Variants in STK32C observed in about 807,000 individuals in gnomAD.
STK32C encodes serine/threonine kinase 32C, also known as serine/threonine-protein kinase 32C.
Under a neutral mutation model 56.5 loss-of-function variants are expected in STK32C, and 31 were observed. That is an observed-to-expected ratio of 0.55 (90% CI 0.41 to 0.74). The LOEUF (loss-of-function observed/expected upper bound fraction) is 0.74, where lower values mean the gene tolerates loss of function less well. STK32C is among the 30% of genes least tolerant of loss of function. The pLI is 0.00. For missense variants in STK32C, 544 were observed against 676.9 expected, an observed-to-expected ratio of 0.80 and a Z score of 2.18; for synonymous variants, 309 against 289.4, an observed-to-expected ratio of 1.07 and a Z score of -0.69.
intron 1 of STK32C, among the ~76,000 whole-genome samples, chr10:132,282,949 G>T (rs2065261530): frequency 6.6e-6 from 1 of 152,250 alleles, no homozygotes; most frequent in Admixed American, 6.5e-5. Context: ...TGAGGCTGGG[G>T]TCGGGGAGGC....
At chr10:132,297,789 G>GC (rs1230135729) in intron 1 of STK32C, among the ~76,000 whole-genome samples, 2 of 152,158 alleles carry the variant, frequency 1.3e-5, no homozygotes, top group Non-Finnish European at 2.9e-5. Context: ...TCAGGGGCCC[G>GC]CCCCGCGGCC....
Position 132,302,698 on chromosome 10 carries a change from C to T in STK32C, c.262+4874G>A, listed in dbSNP as rs374754221. ...CAAGGAAAGAGCACCCTCCAAAATG[C>T]GAGTCCACACCTGACTGGAAAGTTT... On this transcript the variant is annotated intron_variant, in intron 1 of 11. Transcript: ENST00000298630. 1.2e-4 allele frequency among the ~76,000 whole-genome samples: 18 copies of T among 152,286 alleles called. No homozygotes were observed. The East Asian group carries it at 1.7e-3, about 15-fold the overall frequency.
chr10:132,318,278 A>G (rs1302303864), intron 1 of STK32C, among the ~76,000 whole-genome samples: 1 of 149,036 alleles, frequency 6.7e-6, no homozygotes, highest in African/African-American at 2.5e-5. Flanking sequence ...AAAAAAAAAG[A>G]GAGAGAGAGA....
At chr10:132,287,986 TG>T (rs781657735) in intron 1 of STK32C, among the ~76,000 whole-genome samples, 10 of 152,010 alleles carry the variant, frequency 6.6e-5, no homozygotes, top group Non-Finnish European at 1.0e-4. Context: ...AGTGTTGAAC[TG>T]GGGTAAAGAC....
At chr10:132,283,514 G>A (rs944685483) in intron 1 of STK32C, among the ~76,000 whole-genome samples, 2 of 152,208 alleles carry the variant, frequency 1.3e-5, no homozygotes, top group Non-Finnish European at 2.9e-5. Context: ...AGTGGGGAGG[G>A]CTCCAGCCTC....
intron 1 of STK32C, among the ~76,000 whole-genome samples, chr10:132,289,677 G>A (rs1331550707): frequency 6.6e-6 from 1 of 152,236 alleles, no homozygotes; most frequent in Non-Finnish European, 1.5e-5. Flanking sequence ...CTCCTAAACA[G>A]CTGTCTTCTC....
intron 2 of STK32C, among the ~76,000 whole-genome samples, chr10:132,241,330 GA>G (rs2063493927): frequency 6.6e-6 from 1 of 152,250 alleles, no homozygotes; most frequent in Non-Finnish European, 1.5e-5. Flanking sequence ...GTGGCTCAAC[GA>G]CAAGGTCGAC....
At chr10:132,209,479 A>C in intron 10 of STK32C, 1 of 391,598 alleles carries the variant, frequency 2.6e-6, no homozygotes, top group Non-Finnish European at 5.0e-6. Flanking sequence ...GCACACACAC[A>C]CCTGTCCCAG....
At chr10:132,266,126 G>A (rs190555381) in intron 1 of STK32C, among the ~76,000 whole-genome samples, 1 of 152,320 alleles carries the variant, frequency 6.6e-6, no homozygotes, top group Non-Finnish European at 1.5e-5. Context: ...ATATCCATAC[G>A]ATGGAATACC....
intron 10 of STK32C, among the ~76,000 whole-genome samples, chr10:132,218,458 TTCAATA>T (rs1426216721): frequency 1.3e-5 from 2 of 152,142 alleles, no homozygotes; most frequent in African/African-American, 4.8e-5. Flanking sequence ...TCAAAAGATG[TTCAATA>T]TCATCAGAGA....
In STK32C at chr10:132,225,748, T is replaced by C; in HGVS notation, c.681A>G (p.Arg227=). The C allele has an allele frequency of 6.2e-7, 1 of 1,614,000 alleles. No individual in the cohort carries two copies. Among genetic ancestry groups the C allele is most frequent in the Non-Finnish European group, 8.5e-7 (1 of 1,179,982 alleles). Residue 227 remains arginine (R), a splice_region_variant and synonymous_variant, in exon 5 of 12, where the codon AGA becomes AGG. Coordinates refer to ENST00000298630, the MANE Select transcript of STK32C (RefSeq NM_173575.4). ...CTGCCCACACCCAACCCCACACACC[T>C]CTCTCATCCAGGAGAATGTTGTCAG... ...VKPDNILLDE[R]GHAHLTDFNI... is the part of the protein sequence containing the mutation.
At chr10:132,251,126 C>T (rs1052472935) in intron 1 of STK32C, among the ~76,000 whole-genome samples, 3 of 152,174 alleles carry the variant, frequency 2.0e-5, no homozygotes, top group South Asian at 2.1e-4. Context: ...GCCACAGGAC[C>T]GGCCTGGGGG....
chr10:132,214,102 T>A (rs536892229), intron 10 of STK32C, among the ~76,000 whole-genome samples: 1 of 151,208 alleles, frequency 6.6e-6, no homozygotes, highest in South Asian at 2.1e-4. Flanking sequence ...TTTGAAATAA[T>A]AATGACTGGG....
At chr10:132,210,829 G>A (rs2062271756) in intron 10 of STK32C, among the ~76,000 whole-genome samples, 1 of 152,218 alleles carries the variant, frequency 6.6e-6, no homozygotes, top group African/African-American at 2.4e-5. Flanking sequence ...TGTCTCTCCT[G>A]GATCTGTGGT....
intron 1 of STK32C, among the ~76,000 whole-genome samples, chr10:132,271,447 C>T (rs967837819): frequency 2.6e-5 from 4 of 152,308 alleles, no homozygotes; most frequent in Admixed American, 6.5e-5. Context: ...AGTGTGGGCC[C>T]GTGCTGTGCC....
At chr10:132,278,757 CAAAAAAAA>C (rs60685458) in intron 1 of STK32C, among the ~76,000 whole-genome samples, 9 of 90,408 alleles carry the variant, frequency 1.0e-4, no homozygotes, top group African/African-American at 2.1e-4. Context: ...GAGACTGTCT[CAAAAAAAA>C]AAAAAAAAAA....
intron 1 of STK32C, among the ~76,000 whole-genome samples, chr10:132,265,588 T>C (rs10781565): frequency 0.79 from 120,220 of 152,152 alleles, 48,172 homozygotes; most frequent in African/African-American, 0.87. Flanking sequence ...CTCGCTTTCA[T>C]GGCTCGGGAC....
intron 10 of STK32C, among the ~76,000 whole-genome samples, chr10:132,221,313 T>C (rs2062633446): frequency 6.7e-6 from 1 of 148,630 alleles, no homozygotes; most frequent in Admixed American, 6.7e-5. Flanking sequence ...GGGCTTCACA[T>C]GGCCGTCCCC....
chr10:132,330,754 C>T (rs536923252), intron 1 of STK32C, among the ~76,000 whole-genome samples: 1 of 149,978 alleles, frequency 6.7e-6, no homozygotes, highest in East Asian at 2.0e-4. Context: ...AAGCGATCTT[C>T]CCACCCTGGC....
Sources: gnomAD v4.1 joint callset for allele counts (sites outside exome capture counted in the v4.1 genomes callset) on GRCh38, gnomAD v4.1.1 for gene constraint, MANE v1.5 for transcripts, NCBI Gene and HGNC (gene_info 2026-07-23, HGNC 2026-07-21) for gene names.